MMP26: variants seen among roughly 807,000 people sequenced by gnomAD.
MMP26 encodes the protein matrix metallopeptidase 26, also known as matrix metalloproteinase-26.
A neutral mutation model predicts 31.0 loss-of-function variants in MMP26; 33 were observed. The ratio of observed to expected loss-of-function variants is 1.06; its 90% confidence interval spans 0.81 to 1.42. The LOEUF is 1.42. MMP26 is among the 40% of genes most tolerant of loss of function. The pLI is 0.00. For synonymous variants in MMP26, 122 were observed against 114.9 expected (o/e 1.06, Z -0.40); for missense variants, 347 against 316.1 (o/e 1.10, Z -0.74).
chr11:4,813,150 G>A (rs781076045), intron 2 of MMP26, among the ~76,000 whole-genome samples: 4 of 151,912 alleles, frequency 2.6e-5, no homozygotes, highest in Non-Finnish European at 2.9e-5. Context: ...GATTACAGGT[G>A]CCTGCCACCA....
intron 2 of MMP26, chr11:4,848,720 G>C: frequency 6.2e-7 from 1 of 1,614,070 alleles, no homozygotes; most frequent in Non-Finnish European, 8.5e-7. Context: ...GGGGCAGATG[G>C]AGACCCAGGC....
At chr11:4,907,805 C>G (rs142993597) in intron 2 of MMP26, 1 of 1,613,962 alleles carries the variant, frequency 6.2e-7, no homozygotes, top group East Asian at 2.2e-5. Flanking sequence ...TAAAATGGGA[C>G]TTATTTTAGC....
intron 1 of MMP26, among the ~76,000 whole-genome samples, chr11:4,742,825 C>T (rs926117433): frequency 3.9e-4 from 60 of 152,018 alleles, no homozygotes; most frequent in African/African-American, 1.4e-3. Context: ...TGATAGAATC[C>T]TACAATGTGT....
intron 1 of MMP26, among the ~76,000 whole-genome samples, chr11:4,735,935 A>G (rs528929551): frequency 6.6e-6 from 1 of 152,278 alleles, no homozygotes; most frequent in South Asian, 2.1e-4. Context: ...ACCTTTAGTA[A>G]CATTTTCATA....
intron 2 of MMP26, among the ~76,000 whole-genome samples, chr11:4,789,192 A>T (rs144194266): frequency 5.1e-4 from 78 of 152,256 alleles, no homozygotes; most frequent in African/African-American, 1.9e-3. Context: ...GAGGTTAGAG[A>T]TTGTTGTGTT....
intron 2 of MMP26, among the ~76,000 whole-genome samples, chr11:4,893,544 C>A (rs1487086074): frequency 2.0e-5 from 3 of 152,130 alleles, no homozygotes; most frequent in Non-Finnish European, 4.4e-5. Flanking sequence ...CTTTGAACAC[C>A]CTCACTGCCT....
intron 2 of MMP26, among the ~76,000 whole-genome samples, chr11:4,919,698 A>C (rs957268195): frequency 1.3e-5 from 2 of 152,194 alleles, no homozygotes; most frequent in Non-Finnish European, 2.9e-5. Context: ...TGGAGAATTA[A>C]ATTCACTTTA....
chr11:4,717,090 C>T (rs1416529339), intron 1 of MMP26, among the ~76,000 whole-genome samples: 2 of 150,348 alleles, frequency 1.3e-5, no homozygotes, highest in Non-Finnish European at 2.9e-5. Context: ...TTTCACTTAT[C>T]AGCCTCTGCT....
intron 2 of MMP26, among the ~76,000 whole-genome samples, chr11:4,820,087 G>A (rs1036888307): frequency 6.6e-6 from 1 of 152,122 alleles, no homozygotes; most frequent in African/African-American, 2.4e-5. Flanking sequence ...ACGGACCATA[G>A]TATGTCTCTT....
chr11:4,745,205 A>G (rs1442728236), intron 1 of MMP26, among the ~76,000 whole-genome samples: 2 of 152,358 alleles, frequency 1.3e-5, no homozygotes, highest in East Asian at 3.9e-4. Context: ...CGGTTGTTCC[A>G]CCAAAATAAA....
At chr11:4,742,744 C>T (rs1395334626) in intron 1 of MMP26, among the ~76,000 whole-genome samples, 1 of 152,086 alleles carries the variant, frequency 6.6e-6, no homozygotes, top group Non-Finnish European at 1.5e-5. Context: ...ATTGCCGATG[C>T]TCTTTATTCA....
chr11:4,946,954 A>G, intron 2 of MMP26: 2 of 1,605,722 alleles, frequency 1.2e-6, no homozygotes, highest in East Asian at 4.5e-5. Flanking sequence ...TCTTGATGAT[A>G]AAAAGAATGG....
chr11:4,816,426 G>A (rs1383322291), intron 2 of MMP26, among the ~76,000 whole-genome samples: 1 of 151,892 alleles, frequency 6.6e-6, no homozygotes, highest in Non-Finnish European at 1.5e-5. Context: ...TTCTGTCTGG[G>A]TGATTTGTTC....
chr11:4,822,410 A>T (rs1046991916), intron 2 of MMP26: 1 of 1,430,182 alleles, frequency 7.0e-7, no homozygotes, highest in Admixed American at 2.7e-5. Context: ...GCCATTTATG[A>T]ATAAGTGCTT....
chr11:4,813,474 G>A (rs1199609824), intron 2 of MMP26, among the ~76,000 whole-genome samples: 9 of 151,750 alleles, frequency 5.9e-5, no homozygotes, highest in Non-Finnish European at 5.9e-5. Context: ...GCTATCCACC[G>A]CCTTGGCTTC....
chr11:4,987,640 G>C (rs969048592), intron 2 of MMP26, among the ~76,000 whole-genome samples: 8 of 151,582 alleles, frequency 5.3e-5, no homozygotes, highest in African/African-American at 1.9e-4. Flanking sequence ...GGATGGTCTC[G>C]ATCTCCTGAC....
At position 4,821,919 on chromosome 11, in the gene MMP26, G is replaced by A. The variant is rs748549399; in HGVS notation, c.-145+54578G>A. The A allele has an allele frequency of 6.2e-6, 10 of 1,613,872 alleles. No individual in the cohort carries two copies. In the South Asian group the frequency reaches 8.8e-5, roughly 14 times the overall value. The stretch of plus-strand genomic sequence containing the variant: ...TGTTGCCAGTCATGCTCTTTGTCAA[G>A]AGGTTGTCCTTCTGCAGTTCTATGG... On this transcript the variant is annotated intron_variant, in intron 2 of 7. Coordinates refer to ENST00000380390, the MANE Select transcript of MMP26 (RefSeq NM_021801.5).
chr11:4,799,101 C>T (rs1382181032), intron 2 of MMP26, among the ~76,000 whole-genome samples: 1 of 152,210 alleles, frequency 6.6e-6, no homozygotes, highest in African/African-American at 2.4e-5. Context: ...TGGAGTCCCT[C>T]AGTCAACAAG....
At chr11:4,890,139 C>G (rs888847412) in intron 2 of MMP26, 4 of 152,122 alleles carry the variant, frequency 2.6e-5, no homozygotes, top group African/African-American at 9.7e-5. Context: ...GAAACAACAG[C>G]CCCATTTTGG....
Sources: allele counts gnomAD v4.1 joint callset (sites outside exome capture counted in the v4.1 genomes callset), GRCh38; gene constraint gnomAD v4.1.1; transcripts MANE v1.5; gene names NCBI Gene and HGNC (gene_info 2026-07-23, HGNC 2026-07-21).